Variants in IFT43 observed in about 807,000 individuals in gnomAD.
The protein encoded by IFT43 is intraflagellar transport protein 43 homolog.
A neutral mutation model predicts 32.3 loss-of-function variants in IFT43; 33 were observed. The observed-to-expected ratio is 1.02, with a 90% CI of 0.77 to 1.37. IFT43 has a LOEUF of 1.37. Among genes scored for constraint, IFT43 ranks in the 40% most tolerant of loss-of-function variants. The probability of loss-of-function intolerance (pLI) is 0.00; values close to 1 mark genes in which losing one functional copy is unlikely to be tolerated. For missense variants in IFT43, 274 were observed against 265.9 expected (o/e 1.03, Z -0.21); for synonymous variants, 93 against 98.2 (o/e 0.95, Z 0.31).
intron 3 of IFT43, among the ~76,000 whole-genome samples, chr14:76,057,517 C>T (rs2037041776): frequency 6.6e-6 from 1 of 151,190 alleles, no homozygotes; most frequent in Non-Finnish European, 1.5e-5. Context: ...AGGCGTGAGC[C>T]ACTGTGCCTG....
intron 2 of IFT43, among the ~76,000 whole-genome samples, chr14:75,995,030 A>G: frequency 6.6e-6 from 1 of 152,188 alleles, no homozygotes; most frequent in Middle Eastern, 3.2e-3. Flanking sequence ...TGTCCTTTTA[A>G]TAATCATCAT....
intron 7 of IFT43, 100 bp downstream of exon 7, chr14:76,082,792 C>T: frequency 8.8e-6 from 8 of 907,934 alleles, no homozygotes; most frequent in Non-Finnish European, 1.5e-5. Flanking sequence ...GCGCCTCCAC[C>T]AGTCCCCTGA....
At chr14:76,006,080 C>T (rs1205046282) in intron 2 of IFT43, among the ~76,000 whole-genome samples, 1 of 151,816 alleles carries the variant, frequency 6.6e-6, no homozygotes, top group East Asian at 1.9e-4. Flanking sequence ...TATTAGCTAT[C>T]GAGACAGAAA....
intron 5 of IFT43, among the ~76,000 whole-genome samples, chr14:76,074,976 T>C (rs2037387435): frequency 6.6e-6 from 1 of 152,200 alleles, no homozygotes; most frequent in Admixed American, 6.5e-5. Flanking sequence ...TGATCTTTTT[T>C]CCCCAGCAGT....
At chr14:76,060,667 C>T (rs1372412907) in intron 5 of IFT43, among the ~76,000 whole-genome samples, 3 of 152,232 alleles carry the variant, frequency 2.0e-5, no homozygotes, top group Non-Finnish European at 4.4e-5. Context: ...GGTTGTCTGG[C>T]AAGAAATTCT....
intron 2 of IFT43, among the ~76,000 whole-genome samples, chr14:75,994,072 A>G (rs1478536363): frequency 6.6e-6 from 1 of 151,990 alleles, no homozygotes; most frequent in Non-Finnish European, 1.5e-5. Flanking sequence ...ATGACATGTC[A>G]ATTTAAAACA....
At chr14:76,063,613 A>G (rs897990661) in intron 5 of IFT43, among the ~76,000 whole-genome samples, 2 of 152,208 alleles carry the variant, frequency 1.3e-5, no homozygotes, top group African/African-American at 2.4e-5. Context: ...CAGTGTCTGG[A>G]AACAGTAGTA....
At chr14:76,065,114 C>A (rs2037205619) in intron 5 of IFT43, among the ~76,000 whole-genome samples, 1 of 152,266 alleles carries the variant, frequency 6.6e-6, no homozygotes, top group African/African-American at 2.4e-5. Context: ...CTCGTCCAGA[C>A]CTGTCCTTTG....
intron 3 of IFT43, among the ~76,000 whole-genome samples, chr14:76,024,391 A>G (rs962969691): frequency 2.6e-5 from 4 of 152,210 alleles, no homozygotes; most frequent in Non-Finnish European, 4.4e-5. Context: ...ACAGGAAGCA[A>G]CATCACAATA....
chr14:76,000,673 C>G (rs886756943), intron 2 of IFT43, among the ~76,000 whole-genome samples: 1 of 151,990 alleles, frequency 6.6e-6, no homozygotes, highest in African/African-American at 2.4e-5. Flanking sequence ...AAAAACCTGG[C>G]GGAGGGGTCT....
At chr14:76,024,060 A>G (rs1400672300) in intron 3 of IFT43, among the ~76,000 whole-genome samples, 1 of 152,228 alleles carries the variant, frequency 6.6e-6, no homozygotes, top group Non-Finnish European at 1.5e-5. Flanking sequence ...AAAGCCTAAA[A>G]TAAAACAAAG....
At chr14:76,044,385 A>G (rs1566722433) in intron 3 of IFT43, among the ~76,000 whole-genome samples, 1 of 152,206 alleles carries the variant, frequency 6.6e-6, no homozygotes, top group Non-Finnish European at 1.5e-5. Context: ...ATATAGGGCA[A>G]GGTTTGGAAG....
intron 2 of IFT43, among the ~76,000 whole-genome samples, chr14:76,009,735 G>T (rs1283448115): frequency 6.6e-6 from 1 of 152,076 alleles, no homozygotes; most frequent in Non-Finnish European, 1.5e-5. Context: ...CAGGGTTGTG[G>T]ACCTAGTCTG....
At position 76,059,393 on chromosome 14, in the gene IFT43, A is replaced by T; in HGVS notation, c.295+20A>T. The T allele has an allele frequency of 6.2e-7, 1 of 1,612,406 alleles. No individual in the cohort carries two copies. Among genetic ancestry groups the T allele is most frequent in the Non-Finnish European group, 8.5e-7 (1 of 1,178,494 alleles). On this transcript the variant is annotated intron_variant, in intron 5 of 8. Coordinates refer to ENST00000314067, the MANE Select transcript of IFT43 (RefSeq NM_001102564.3). ...GAGGAGGTAAGAGGCCCTTGGAGGA[A>T]GTCAAAAGGTCTTCTAGAGAGGCCC...
At chr14:76,070,613 T>C (rs2037304306) in intron 5 of IFT43, among the ~76,000 whole-genome samples, 1 of 152,170 alleles carries the variant, frequency 6.6e-6, no homozygotes, top group Non-Finnish European at 1.5e-5. Flanking sequence ...CGCCCAAGTC[T>C]CAAGTTGAAT....
At chr14:76,083,972 G>A (rs2140103038), downstream of IFT43, 1 of 460,058 alleles carries the variant, frequency 2.2e-6, no homozygotes, top group East Asian at 6.8e-5. Flanking sequence ...CCCTTCCCGT[G>A]GGTGCTCTGG....
chr14:76,025,801 A>T (rs868318144), intron 3 of IFT43, among the ~76,000 whole-genome samples: 2 of 152,224 alleles, frequency 1.3e-5, no homozygotes, highest in Non-Finnish European at 2.9e-5. Context: ...AATTAACTCA[A>T]TATGGATAAA....
intron 3 of IFT43, among the ~76,000 whole-genome samples, chr14:76,053,855 TGGA>T (rs2036960807): frequency 1.3e-5 from 2 of 152,162 alleles, no homozygotes; most frequent in Admixed American, 6.5e-5. Flanking sequence ...CCTGGTGTGG[TGGA>T]GAACACCTGC....
intron 3 of IFT43, among the ~76,000 whole-genome samples, chr14:76,034,849 A>T (rs2036570691): frequency 6.6e-6 from 1 of 152,238 alleles, no homozygotes; most frequent in Non-Finnish European, 1.5e-5. Context: ...GCTATGCCAG[A>T]GATTCCATCT....
Sources: gnomAD v4.1 joint callset for allele counts (sites outside exome capture counted in the v4.1 genomes callset) on GRCh38, gnomAD v4.1.1 for gene constraint, MANE v1.5 for transcripts, NCBI Gene and HGNC (gene_info 2026-07-23, HGNC 2026-07-21) for gene names.